Variants in GPC6 observed in about 807,000 individuals in gnomAD.
GPC6 encodes the protein glypican 6.
GPC6 carries 14 observed loss-of-function variants against 55.2 expected under a neutral mutation model. The observed-to-expected ratio is 0.25, with a 90% confidence interval of 0.17 to 0.40. GPC6 has a LOEUF of 0.40. Among genes scored for constraint, GPC6 ranks in the 10% least tolerant of loss-of-function variants. The probability of loss-of-function intolerance (pLI) is 1.00; values close to 1 mark genes in which losing one functional copy is unlikely to be tolerated. For synonymous variants in GPC6, 278 were observed against 259.6 expected (o/e 1.07, Z -0.68); for missense variants, 641 against 708.5 (o/e 0.90, Z 1.08).
intron 3 of GPC6, among the ~76,000 whole-genome samples, chr13:93,957,499 G>T (rs1453748255): frequency 1.3e-5 from 2 of 152,128 alleles, no homozygotes; most frequent in Non-Finnish European, 2.9e-5. Flanking sequence ...TCCTGCATTA[G>T]TTGGCTTAGG....
chr13:93,928,936 A>T (rs1188844704), intron 3 of GPC6, among the ~76,000 whole-genome samples: 1 of 150,190 alleles, frequency 6.7e-6, no homozygotes, highest in Non-Finnish European at 1.5e-5. Flanking sequence ...AAAAAAATAG[A>T]TATTTAAAGT....
intron 1 of GPC6, among the ~76,000 whole-genome samples, chr13:93,308,050 C>T (rs1406253646): frequency 5.3e-5 from 8 of 152,156 alleles, no homozygotes; most frequent in East Asian, 1.9e-4. Context: ...TTTGGGAGGC[C>T]GAGGTGGGCG....
chr13:93,379,822 TA>T (rs1429705898), intron 1 of GPC6, among the ~76,000 whole-genome samples: 3 of 152,072 alleles, frequency 2.0e-5, no homozygotes, highest in South Asian at 2.1e-4. Context: ...TCATAAACTG[TA>T]AAAAATTGGT....
At chr13:94,360,600 A>T (rs1327786370) in intron 6 of GPC6, among the ~76,000 whole-genome samples, 4 of 152,212 alleles carry the variant, frequency 2.6e-5, no homozygotes, top group Non-Finnish European at 5.9e-5. Context: ...AAGAATTAGG[A>T]AATTGTTTGT....
intron 1 of GPC6, among the ~76,000 whole-genome samples, chr13:93,438,547 A>C (rs1594169574): frequency 6.6e-6 from 1 of 152,312 alleles, no homozygotes; most frequent in East Asian, 1.9e-4. Flanking sequence ...TGGAAATAGC[A>C]AGAGAATGAG....
chr13:94,325,906 T>C (rs970091775), intron 6 of GPC6, among the ~76,000 whole-genome samples: 2 of 152,168 alleles, frequency 1.3e-5, no homozygotes, highest in Non-Finnish European at 2.9e-5. Context: ...GCTCTGACCA[T>C]GACCTCCTTC....
chr13:93,410,625 T>C (rs1378019155), intron 1 of GPC6, among the ~76,000 whole-genome samples: 1 of 152,194 alleles, frequency 6.6e-6, no homozygotes, highest in Non-Finnish European at 1.5e-5. Context: ...CTTTTTCGTT[T>C]CTAAGACTAC....
At chr13:94,005,072 C>A (rs1881959687) in intron 3 of GPC6, among the ~76,000 whole-genome samples, 1 of 151,890 alleles carries the variant, frequency 6.6e-6, no homozygotes, top group Non-Finnish European at 1.5e-5. Context: ...TCCCCCAGCC[C>A]CCAAAATATC....
chr13:94,156,024 G>C (rs995502263), intron 4 of GPC6, among the ~76,000 whole-genome samples: 4 of 152,172 alleles, frequency 2.6e-5, no homozygotes, highest in Non-Finnish European at 4.4e-5. Flanking sequence ...GCATGCCTGG[G>C]CTTCAGAGGC....
At chr13:93,967,991 C>G (rs1240276857) in intron 3 of GPC6, among the ~76,000 whole-genome samples, 1 of 152,110 alleles carries the variant, frequency 6.6e-6, no homozygotes, top group South Asian at 2.1e-4. Context: ...CCTTTTAAGG[C>G]CTTTCTAGAA....
At chr13:93,738,638 G>T (rs144643055) in intron 2 of GPC6, among the ~76,000 whole-genome samples, 8 of 152,196 alleles carry the variant, frequency 5.3e-5, no homozygotes, top group Admixed American at 2.0e-4. Context: ...ATAATTCTCA[G>T]AGGTAGAGAC....
At chr13:94,149,781 T>G (rs1052171646) in intron 4 of GPC6, among the ~76,000 whole-genome samples, 1 of 151,920 alleles carries the variant, frequency 6.6e-6, no homozygotes, top group Admixed American at 6.6e-5. Flanking sequence ...TGGCCAAACC[T>G]GCAGAAGCAG....
At chr13:93,418,148 G>A (rs1304727441) in intron 1 of GPC6, among the ~76,000 whole-genome samples, 1 of 150,912 alleles carries the variant, frequency 6.6e-6, no homozygotes, top group Non-Finnish European at 1.5e-5. Context: ...TTTAATTTTT[G>A]TGTGTGCATA....
chr13:93,718,747 T>C (rs1883341045), intron 2 of GPC6, among the ~76,000 whole-genome samples: 2 of 152,258 alleles, frequency 1.3e-5, no homozygotes, highest in South Asian at 4.1e-4. Flanking sequence ...AGGTCTTACA[T>C]TTAAGTCTTT....
intron 2 of GPC6, among the ~76,000 whole-genome samples, chr13:93,561,790 G>A (rs1428052212): frequency 2.0e-5 from 3 of 152,120 alleles, no homozygotes; most frequent in East Asian, 3.9e-4. Flanking sequence ...CCGACAGAGA[G>A]CAAAGGTCAC....
chr13:94,266,126 TTTTTC>T (rs1364366201), intron 4 of GPC6, among the ~76,000 whole-genome samples: 3 of 148,740 alleles, frequency 2.0e-5, no homozygotes, highest in East Asian at 4.1e-4. Context: ...TGTTTTCTCG[TTTTTC>T]TTTTCTTTAC....
chr13:93,821,703 G>A (rs1887050929), intron 2 of GPC6, among the ~76,000 whole-genome samples: 1 of 152,164 alleles, frequency 6.6e-6, no homozygotes, highest in South Asian at 2.1e-4. Flanking sequence ...CACAGTAGAT[G>A]TACTATGTGA....
At chr13:93,510,732 A>G (rs1880923271) in intron 1 of GPC6, among the ~76,000 whole-genome samples, 1 of 151,258 alleles carries the variant, frequency 6.6e-6, no homozygotes, top group Non-Finnish European at 1.5e-5. Flanking sequence ...AATAATCTCC[A>G]CACTGTTTTC....
At chr13:94,120,228 G>A (rs946108516) in intron 4 of GPC6, among the ~76,000 whole-genome samples, 4 of 152,042 alleles carry the variant, frequency 2.6e-5, no homozygotes, top group African/African-American at 7.2e-5. Flanking sequence ...GACTGTAGAA[G>A]GATCGCAGTG....
Sources: gnomAD v4.1 joint callset for allele counts (sites outside exome capture counted in the v4.1 genomes callset) on GRCh38, gnomAD v4.1.1 for gene constraint, MANE v1.5 for transcripts, NCBI Gene and HGNC (gene_info 2026-07-23, HGNC 2026-07-21) for gene names.